The following CNGB3 variants were observed in gnomAD, a reference collection of about 807,000 sequenced individuals.
The protein encoded by CNGB3 is cyclic nucleotide gated channel subunit beta 3.
A neutral mutation model predicts 92.8 loss-of-function variants in CNGB3; 86 were observed. That is an observed-to-expected ratio of 0.93 (90% CI 0.78 to 1.11). The LOEUF is 1.11. Ranked by LOEUF, CNGB3 falls within the 50% of genes least tolerant of loss-of-function variation. CNGB3 has a pLI of 0.00. For synonymous variants in CNGB3, 333 were observed against 332.7 expected, an observed-to-expected ratio of 1.00 and a Z score of -0.01; for missense variants, 1,026 against 956.8, an observed-to-expected ratio of 1.07 and a Z score of -0.95.
intron 8 of CNGB3, among the ~76,000 whole-genome samples, 171 bp from the exon 9 acceptor site, chr8:86,644,857 GC>G (rs1455186468): frequency 6.6e-6 from 1 of 150,796 alleles, no homozygotes; most frequent in Non-Finnish European, 1.5e-5. Context: ...ACATTTTATA[GC>G]ATGGTATTAT....
At chr8:86,664,389 T>C (rs181888223) in intron 6 of CNGB3, among the ~76,000 whole-genome samples, 2 of 152,344 alleles carry the variant, frequency 1.3e-5, no homozygotes, top group Admixed American at 1.3e-4. Flanking sequence ...GGACCTAAGA[T>C]GCCATATAGG....
rs568808064 is a variant in CNGB3 at position 86,574,334 on chromosome 8, C to A, written c.*1470G>T. 6.6e-6 allele frequency: 1 copy of A among 152,018 alleles called. No homozygotes were observed. The highest frequency in any genetic ancestry group is 1.5e-5 in the Non-Finnish European group (1 of 67,990). 9.4% of individuals were successfully genotyped at this position (152,018 alleles called of 1,614,324 possible). On this transcript the variant is annotated 3_prime_UTR_variant, in exon 18 of 18. Transcript: ENST00000320005. ...TTTTGTTTCTGGGTTTTTAAATCAC[C>A]CTTTTTATACGCAATTCACTCTTTC... is the stretch of plus-strand genomic sequence containing the variant.
At chr8:86,622,985 G>C (rs902307465) in intron 13 of CNGB3, among the ~76,000 whole-genome samples, 1 of 152,086 alleles carries the variant, frequency 6.6e-6, no homozygotes, top group African/African-American at 2.4e-5. Context: ...TTAGAGTCAT[G>C]GGTTAACCTA....
chr8:86,587,669 A>C (rs1253438321), intron 15 of CNGB3, among the ~76,000 whole-genome samples: 1 of 151,232 alleles, frequency 6.6e-6, no homozygotes, highest in African/African-American at 2.4e-5. Context: ...GTTATTTCTG[A>C]GGGCTCTGTT....
intron 15 of CNGB3, among the ~76,000 whole-genome samples, chr8:86,603,398 T>C (rs1822347489): frequency 6.6e-6 from 1 of 152,200 alleles, no homozygotes; most frequent in Non-Finnish European, 1.5e-5. Context: ...TATAGAAGTG[T>C]TTAGCTCACA....
intron 3 of CNGB3, among the ~76,000 whole-genome samples, chr8:86,683,363 T>C (rs1467094950): frequency 6.6e-6 from 1 of 151,992 alleles, no homozygotes; most frequent in Non-Finnish European, 1.5e-5. Context: ...GGTGGCTGGG[T>C]ATGTGGGTGA....
At chr8:86,590,984 A>G (rs1238074674) in intron 15 of CNGB3, among the ~76,000 whole-genome samples, 2 of 151,986 alleles carry the variant, frequency 1.3e-5, no homozygotes, top group Admixed American at 6.5e-5. Context: ...CACCAATCAG[A>G]CGTAGATTTG....
rs2131582897 is a variant in CNGB3 at position 86,629,063 on chromosome 8, C to T, written c.1336G>A (p.Gly446Arg). 6.2e-7 allele frequency: 1 copy of T among 1,613,938 alleles called. No individual in the cohort carries two copies. Among genetic ancestry groups the T allele is most frequent in the Non-Finnish European group, 8.5e-7 (1 of 1,179,850 alleles). The change falls in exon 12 of 18, where the codon GGA (glycine) becomes AGA (arginine). Residue 446 changes from glycine (G) to arginine (R), a missense_variant. Coordinates refer to ENST00000320005, the MANE Select transcript of CNGB3 (RefSeq NM_019098.5). ...SLIGQMRDVI[G>R]AATANQNYFR... ...TAGTTCTGATTGGCTGTAGCTGCTCCAATCACATCTCTCATCTAAAACCAC... is the reference window on the plus strand; with the variant it reads ...TAGTTCTGATTGGCTGTAGCTGCTCTAATCACATCTCTCATCTAAAACCAC...
At chr8:86,659,824 GA>G in intron 6 of CNGB3, 1 of 400,322 alleles carries the variant, frequency 2.5e-6, no homozygotes, top group Non-Finnish European at 4.9e-6. Context: ...AGTTGATCCA[GA>G]ATTTCTTGGT....
At chr8:86,626,275 T>TCCA (rs1403980172) in intron 12 of CNGB3, among the ~76,000 whole-genome samples, 195 bp from the exon 13 acceptor site, 59 of 152,316 alleles carry the variant, frequency 3.9e-4, no homozygotes, top group Admixed American at 1.8e-3. Flanking sequence ...ACTATTATGC[T>TCCA]TATGCAATAA....
chr8:86,623,760 A>G (rs1300212059), intron 13 of CNGB3, among the ~76,000 whole-genome samples: 1 of 152,098 alleles, frequency 6.6e-6, no homozygotes, highest in Non-Finnish European at 1.5e-5. Flanking sequence ...AAAGTTTCCT[A>G]TTTTGCAAAT....
chr8:86,600,081 C>T (rs866609889), intron 15 of CNGB3, among the ~76,000 whole-genome samples: 38 of 152,196 alleles, frequency 2.5e-4, no homozygotes, highest in Middle Eastern at 3.4e-3. Context: ...TCAGACCAGC[C>T]AACACTTAGG....
chr8:86,677,560 T>C (rs1236575321), intron 3 of CNGB3, among the ~76,000 whole-genome samples: 1 of 152,116 alleles, frequency 6.6e-6, no homozygotes, highest in Non-Finnish European at 1.5e-5. Flanking sequence ...AAAGCCTGCA[T>C]AGAACAAGAA....
chr8:86,706,980 C>T (rs184795558), intron 3 of CNGB3, among the ~76,000 whole-genome samples: 1 of 152,132 alleles, frequency 6.6e-6, no homozygotes. Flanking sequence ...TAAAATCAGA[C>T]ATGAAGCTTG....
At chr8:86,648,888 C>T (rs1336070535) in intron 7 of CNGB3, among the ~76,000 whole-genome samples, 3 of 151,310 alleles carry the variant, frequency 2.0e-5, no homozygotes, top group Non-Finnish European at 3.0e-5. Flanking sequence ...ATGATATGAT[C>T]GTATCCTAGA....
chr8:86,614,508 T>C (rs1822579887), intron 13 of CNGB3, among the ~76,000 whole-genome samples: 1 of 152,116 alleles, frequency 6.6e-6, no homozygotes, highest in South Asian at 2.1e-4. Context: ...CTGTGAGGCG[T>C]GCTGCCCTTT....
intron 3 of CNGB3, among the ~76,000 whole-genome samples, chr8:86,694,449 C>T (rs565306470): frequency 6.6e-6 from 1 of 151,824 alleles, no homozygotes; most frequent in East Asian, 2.0e-4. Flanking sequence ...CGGAGACGCT[C>T]CTCACTTCCC....
chr8:86,666,816 T>C, intron 6 of CNGB3, 109 bp downstream of exon 6: 1 of 860,430 alleles, frequency 1.2e-6, no homozygotes, highest in South Asian at 1.4e-5. Context: ...CTTGCAATTA[T>C]CCATGCAGAT....
intron 3 of CNGB3, among the ~76,000 whole-genome samples, chr8:86,693,027 G>A (rs1337246523): frequency 6.6e-6 from 1 of 152,114 alleles, no homozygotes; most frequent in East Asian, 1.9e-4. Flanking sequence ...GCTGATTATT[G>A]TTTTGTTTAA....
Sources: gnomAD v4.1 joint callset for allele counts (sites outside exome capture counted in the v4.1 genomes callset) on GRCh38, gnomAD v4.1.1 for gene constraint, MANE v1.5 for transcripts, NCBI Gene and HGNC (gene_info 2026-07-23, HGNC 2026-07-21) for gene names.